Variants in CSTPP1 observed in about 807,000 individuals in gnomAD.
The protein encoded by CSTPP1 is UPF0705 protein C11orf49.
chr11:47,013,463 C>G, the CSTPP1 span, among the ~76,000 whole-genome samples: 20 of 152,132 alleles, frequency 1.3e-4, no homozygotes, highest in Admixed American at 3.3e-4. Context: ...TGTTTTCTCA[C>G]TGTTCATCTC....
the CSTPP1 span, among the ~76,000 whole-genome samples, chr11:47,007,676 T>G: frequency 6.6e-6 from 1 of 152,142 alleles, no homozygotes; most frequent in Non-Finnish European, 1.5e-5. Context: ...TTTTCTCTAG[T>G]TGAGTTATGT....
chr11:47,009,125 G>C, the CSTPP1 span, among the ~76,000 whole-genome samples: 1 of 152,026 alleles, frequency 6.6e-6, no homozygotes, highest in East Asian at 1.9e-4. Context: ...ATTGGGAAAA[G>C]TGGCACTAAA....
chr11:47,158,618 C>A, the CSTPP1 span, among the ~76,000 whole-genome samples: 2 of 152,136 alleles, frequency 1.3e-5, no homozygotes, highest in Admixed American at 1.3e-4. Context: ...TCACTGCAGC[C>A]TCGACCTCCC....
the CSTPP1 span, among the ~76,000 whole-genome samples, chr11:47,005,630 T>C: frequency 2.0e-5 from 3 of 152,266 alleles, no homozygotes; most frequent in East Asian, 3.9e-4. Context: ...TTTTGCAACA[T>C]GAAAGCACCA....
the CSTPP1 span, among the ~76,000 whole-genome samples, chr11:46,997,548 CCTT>C: frequency 6.6e-6 from 1 of 152,208 alleles, no homozygotes; most frequent in Non-Finnish European, 1.5e-5. Flanking sequence ...TCGTCTGAAG[CCTT>C]CTTCTCTCAA....
At chr11:47,068,320 C>G in the CSTPP1 span, among the ~76,000 whole-genome samples, 3 of 152,102 alleles carry the variant, frequency 2.0e-5, no homozygotes, top group Non-Finnish European at 4.4e-5. Flanking sequence ...TCATTTGAGG[C>G]CAGGAGTTCA....
At chr11:47,031,730 A>G in the CSTPP1 span, among the ~76,000 whole-genome samples, 1 of 149,390 alleles carries the variant, frequency 6.7e-6, no homozygotes, top group African/African-American at 2.5e-5. Flanking sequence ...GAGATCTCTT[A>G]AAAAAAAATT....
chr11:47,119,086 C>A, the CSTPP1 span, among the ~76,000 whole-genome samples: 1 of 152,214 alleles, frequency 6.6e-6, no homozygotes, highest in Admixed American at 6.5e-5. Context: ...AGGCAGTAGG[C>A]CTTGTAGAGC....
chr11:46,999,171 G>A, the CSTPP1 span, among the ~76,000 whole-genome samples: 3 of 151,682 alleles, frequency 2.0e-5, no homozygotes. Flanking sequence ...TCTGAAATAT[G>A]GGCTTCAGTT....
the CSTPP1 span, among the ~76,000 whole-genome samples, chr11:46,966,896 C>T: frequency 1.3e-5 from 2 of 152,086 alleles, no homozygotes; most frequent in Non-Finnish European, 2.9e-5. Flanking sequence ...TGTTTTCTCG[C>T]AGTTCTGGAG....
the CSTPP1 span, among the ~76,000 whole-genome samples, chr11:47,078,162 A>G: frequency 6.6e-6 from 1 of 152,234 alleles, no homozygotes; most frequent in Non-Finnish European, 1.5e-5. Flanking sequence ...AAATAGCAGT[A>G]TAAACATATT....
the CSTPP1 span, among the ~76,000 whole-genome samples, chr11:47,106,659 A>G: frequency 6.6e-6 from 1 of 151,970 alleles, no homozygotes; most frequent in South Asian, 2.1e-4. Flanking sequence ...AAAAAAGAAA[A>G]GAAAAGAACA....
At chr11:47,015,731 C>G in the CSTPP1 span, among the ~76,000 whole-genome samples, 2 of 151,800 alleles carry the variant, frequency 1.3e-5, no homozygotes, top group Admixed American at 1.3e-4. Context: ...TTCCTTGTCA[C>G]AAAAATTCTT....
chr11:47,085,905 T>G, the CSTPP1 span, among the ~76,000 whole-genome samples: 3 of 129,242 alleles, frequency 2.3e-5, no homozygotes. Flanking sequence ...TGAGGACTAG[T>G]GGATGAGCTG....
the CSTPP1 span, among the ~76,000 whole-genome samples, chr11:46,970,197 A>G: frequency 6.6e-6 from 1 of 151,976 alleles, no homozygotes; most frequent in Non-Finnish European, 1.5e-5. Flanking sequence ...TTATATTTAA[A>G]TAGAAAGTTG....
the CSTPP1 span, among the ~76,000 whole-genome samples, chr11:47,016,406 A>AAC: frequency 1.3e-5 from 2 of 150,492 alleles, no homozygotes; most frequent in Non-Finnish European, 2.9e-5. Context: ...ACAAAAAACA[A>AAC]AAAACAAAAA....
chr11:47,026,158 A>G, the CSTPP1 span, among the ~76,000 whole-genome samples: 17 of 152,264 alleles, frequency 1.1e-4, no homozygotes, highest in African/African-American at 4.1e-4. Context: ...TGACAGGTTT[A>G]GAAACCACAT....
the CSTPP1 span, chr11:47,155,507 G>GC: frequency 3.7e-5 from 21 of 567,494 alleles, no homozygotes; most frequent in Admixed American, 6.1e-4. Flanking sequence ...AGTCAGCAAC[G>GC]CAACAAATCA....
chr11:47,097,165 C>T, the CSTPP1 span, among the ~76,000 whole-genome samples: 3 of 131,744 alleles, frequency 2.3e-5, no homozygotes, highest in Non-Finnish European at 5.0e-5. Flanking sequence ...GTCAGCCCTC[C>T]GCCCGGCCAG....
Sources: gnomAD v4.1 joint callset for allele counts (sites outside exome capture counted in the v4.1 genomes callset) on GRCh38, gnomAD v4.1.1 for gene constraint, MANE v1.5 for transcripts, NCBI Gene and HGNC (gene_info 2026-07-23, HGNC 2026-07-21) for gene names.